Variants in SEMA3C observed in about 807,000 individuals in gnomAD.
The protein encoded by SEMA3C is semaphorin 3C, also known as semaphorin-3C.
In SEMA3C, 47 loss-of-function variants were observed where a neutral mutation model predicts 89.4. That is an observed-to-expected ratio of 0.53 (90% CI 0.42 to 0.67). SEMA3C has a LOEUF of 0.67. Ranked by LOEUF, SEMA3C falls within the 30% of genes least tolerant of loss-of-function variation. The pLI, the probability that SEMA3C is intolerant of heterozygous loss-of-function variation, is 0.00. For missense variants in SEMA3C, 839 were observed against 929.1 expected, an observed-to-expected ratio of 0.90 and a Z score of 1.26; for synonymous variants, 310 against 320.2, an observed-to-expected ratio of 0.97 and a Z score of 0.34.
chr7:80,745,569 A>G (rs752343782), intron 17 of SEMA3C, among the ~76,000 whole-genome samples: 1 of 152,000 alleles, frequency 6.6e-6, no homozygotes, highest in Non-Finnish European at 1.5e-5. Context: ...AAAATAGCTT[A>G]AAGTGCTTTC....
At chr7:80,820,675 G>A (rs1050294021) in intron 4 of SEMA3C, among the ~76,000 whole-genome samples, 1 of 152,050 alleles carries the variant, frequency 6.6e-6, no homozygotes, top group Non-Finnish European at 1.5e-5. Context: ...AATACACAGT[G>A]TCATTTTATC....
At chr7:80,907,465 T>C (rs1174944779) in intron 2 of SEMA3C, among the ~76,000 whole-genome samples, 2 of 152,138 alleles carry the variant, frequency 1.3e-5, no homozygotes, top group East Asian at 1.9e-4. Flanking sequence ...TGAGCATTAC[T>C]GTTCAGGAGA....
chr7:80,904,799 G>A (rs903511354), intron 2 of SEMA3C, among the ~76,000 whole-genome samples: 2 of 152,148 alleles, frequency 1.3e-5, no homozygotes, highest in Non-Finnish European at 1.5e-5. Flanking sequence ...CCTAGAGATA[G>A]TGACTGAATT....
At chr7:80,750,550 A>T (rs1787911997) in intron 16 of SEMA3C, among the ~76,000 whole-genome samples, 1 of 149,078 alleles carries the variant, frequency 6.7e-6, no homozygotes, top group Admixed American at 6.8e-5. Flanking sequence ...AATACAATTC[A>T]TCCTTAAACA....
intron 10 of SEMA3C, among the ~76,000 whole-genome samples, chr7:80,799,004 T>C (rs2115649666): frequency 6.6e-6 from 1 of 152,310 alleles, no homozygotes; most frequent in South Asian, 2.1e-4. Flanking sequence ...AGAATGATGA[T>C]TTTGAATTTT....
chr7:80,766,171 A>G (rs73370864), intron 12 of SEMA3C, among the ~76,000 whole-genome samples: 3,643 of 152,312 alleles, frequency 0.024, 149 homozygotes, highest in African/African-American at 0.082. Context: ...CTATTCATAG[A>G]AAAGTTCTAC....
intron 5 of SEMA3C, chr7:80,816,276 T>C (rs1789605660): frequency 6.6e-6 from 1 of 152,134 alleles, no homozygotes. Flanking sequence ...TGGTAGGTAA[T>C]GTCCCAGATA....
intron 2 of SEMA3C, among the ~76,000 whole-genome samples, chr7:80,916,381 T>C (rs1010179372): frequency 2.6e-5 from 4 of 152,178 alleles, no homozygotes; most frequent in Non-Finnish European, 5.9e-5. Context: ...AGATCAAAGA[T>C]GCTAGGCTTT....
At chr7:80,797,523 T>G (rs1040838487) in intron 11 of SEMA3C, among the ~76,000 whole-genome samples, 1 of 152,248 alleles carries the variant, frequency 6.6e-6, no homozygotes, top group Non-Finnish European at 1.5e-5. Flanking sequence ...CTGTGTTACT[T>G]CAGTTACAAA....
chr7:80,807,077 T>C (rs1470923779), intron 6 of SEMA3C, among the ~76,000 whole-genome samples: 1 of 152,174 alleles, frequency 6.6e-6, no homozygotes, highest in Non-Finnish European at 1.5e-5. Context: ...AAGGCTTTTT[T>C]TTTTCTTTAC....
intron 4 of SEMA3C, among the ~76,000 whole-genome samples, chr7:80,818,914 T>C (rs973906144): frequency 8.5e-5 from 13 of 152,180 alleles, no homozygotes; most frequent in Admixed American, 1.3e-4. Flanking sequence ...GTCAAAACAT[T>C]ATTACAGAAA....
At chr7:80,760,343 C>G (rs1291764790) in intron 14 of SEMA3C, among the ~76,000 whole-genome samples, 1 of 152,082 alleles carries the variant, frequency 6.6e-6, no homozygotes, top group East Asian at 1.9e-4. Context: ...TGAATCCTGC[C>G]CTGCTACTTT....
chr7:80,855,333 A>G (rs1472075022), intron 2 of SEMA3C, among the ~76,000 whole-genome samples: 1 of 152,098 alleles, frequency 6.6e-6, no homozygotes. Context: ...TCTGCTTCCC[A>G]TGCTGGAGTG....
chr7:80,851,506 A>T (rs1790512208), intron 2 of SEMA3C, among the ~76,000 whole-genome samples: 2 of 22,866 alleles, frequency 8.7e-5, no homozygotes, highest in Non-Finnish European at 1.6e-4. Flanking sequence ...CTTGTCTTTA[A>T]AAAAAAAAAA....
At chr7:80,808,305 C>A (rs1789387496) in intron 6 of SEMA3C, among the ~76,000 whole-genome samples, 1 of 151,656 alleles carries the variant, frequency 6.6e-6, no homozygotes, top group East Asian at 1.9e-4. Context: ...CAAATGAAAA[C>A]TATATATATA....
intron 3 of SEMA3C, 77 bp downstream of exon 3, chr7:80,828,507 AT>A (rs1277727139): frequency 1.7e-6 from 2 of 1,197,118 alleles, no homozygotes; most frequent in African/African-American, 3.1e-5. Flanking sequence ...AATGCATATT[AT>A]TTTTTACTTA....
chr7:80,746,962 G>A (rs1252966327), intron 17 of SEMA3C, among the ~76,000 whole-genome samples: 1 of 151,832 alleles, frequency 6.6e-6, no homozygotes, highest in Non-Finnish European at 1.5e-5. Context: ...TGCTCTGTGA[G>A]CTTTTATCAT....
intron 2 of SEMA3C, among the ~76,000 whole-genome samples, chr7:80,888,876 T>C (rs1387947744): frequency 1.3e-5 from 2 of 152,178 alleles, no homozygotes; most frequent in Non-Finnish European, 2.9e-5. Context: ...AATTTTTTTT[T>C]CTTTTGAGAT....
intron 11 of SEMA3C, among the ~76,000 whole-genome samples, chr7:80,795,219 G>A (rs953496554): frequency 1.3e-5 from 2 of 152,194 alleles, no homozygotes; most frequent in Non-Finnish European, 2.9e-5. Context: ...GCAACGAAGA[G>A]ACAGACACTG....
Sources: gnomAD v4.1 joint callset for allele counts (sites outside exome capture counted in the v4.1 genomes callset) on GRCh38, gnomAD v4.1.1 for gene constraint, MANE v1.5 for transcripts, NCBI Gene and HGNC (gene_info 2026-07-23, HGNC 2026-07-21) for gene names.